NPC1: variants seen among roughly 807,000 people sequenced by gnomAD.
The protein encoded by NPC1 is Niemann-Pick C1 protein.
A neutral mutation model predicts 140.4 loss-of-function variants in NPC1; 85 were observed. The ratio of observed to expected loss-of-function variants is 0.61; its 90% confidence interval spans 0.51 to 0.72. The LOEUF is 0.72. Among genes scored for constraint, NPC1 ranks in the 30% least tolerant of loss-of-function variants. The pLI is 0.00. For missense variants in NPC1, 1,504 were observed against 1,623.8 expected (o/e 0.93, Z 1.27); for synonymous variants, 656 against 624.8 (o/e 1.05, Z -0.74).
At chr18:23,574,676 T>C (rs954993092) in intron 1 of NPC1, among the ~76,000 whole-genome samples, 3 of 152,190 alleles carry the variant, frequency 2.0e-5, no homozygotes, top group Non-Finnish European at 4.4e-5. Flanking sequence ...TTTCTCTGAA[T>C]TCATTTTTCA....
intron 4 of NPC1, among the ~76,000 whole-genome samples, chr18:23,566,294 G>T (rs1299407585): frequency 6.6e-6 from 1 of 152,056 alleles, no homozygotes; most frequent in South Asian, 2.1e-4. Context: ...CTACCCAGGG[G>T]GACTACTTGA....
chr18:23,543,642 G>T, intron 13 of NPC1, 73 bp from the exon 14 acceptor site: 1 of 862,720 alleles, frequency 1.2e-6, no homozygotes, highest in Non-Finnish European at 1.9e-6. Flanking sequence ...GCTGCCTTGT[G>T]TTAACTCAAG....
chr18:23,536,564 G>C (rs1265354186), intron 21 of NPC1, 109 bp downstream of exon 21: 2 of 910,360 alleles, frequency 2.2e-6, no homozygotes, highest in Non-Finnish European at 3.5e-6. Flanking sequence ...ATGGAGCAGG[G>C]GCCAGAACCC....
At chr18:23,543,382 G>T (rs1598952410) in intron 14 of NPC1, 73 bp downstream of exon 14, 22 of 799,542 alleles carry the variant, frequency 2.8e-5, no homozygotes, top group Non-Finnish European at 4.2e-5. Context: ...AAAGGGACAT[G>T]TTCAGGTAGC....
chr18:23,532,414 C>G lies in NPC1; in HGVS notation c.3755-130G>C, dbSNP rs895410400. 9 of 961,552 alleles carry G rather than the reference C, an allele frequency of 9.4e-6. No homozygotes were observed. The Admixed American group carries it at 1.6e-4, about 17-fold the overall frequency. 59.6% of individuals were successfully genotyped at this position (961,552 alleles called of 1,614,324 possible). A position where few individuals can be genotyped will look rare whatever the true frequency, so the allele number is the denominator to read the frequency against. On this transcript the variant is annotated intron_variant, in intron 24 of 24. Transcript: ENST00000269228. ...GAGAATTGCTTGAGACCAGCCTGGA[C>G]AACAGAGTGAGACCACATCTCTCTC... is the stretch of plus-strand genomic sequence containing the variant.
chr18:23,527,657 C>A, downstream of NPC1: 6 of 136,660 alleles, frequency 4.4e-5, no homozygotes, highest in East Asian at 3.3e-4. Flanking sequence ...GCTGTCAGGT[C>A]TTTAAAGTAG....
intron 8 of NPC1, among the ~76,000 whole-genome samples, chr18:23,555,543 T>A (rs1044112403): frequency 6.6e-6 from 1 of 152,242 alleles, no homozygotes; most frequent in Admixed American, 6.5e-5. Context: ...CTTTTCAAGA[T>A]TGCAGACTTT....
At chr18:23,516,958 T>C (rs2058024990) in intron 3 of NPC1, among the ~76,000 whole-genome samples, 1 of 151,966 alleles carries the variant, frequency 6.6e-6, no homozygotes, top group South Asian at 2.1e-4. Context: ...ACTCCTGACC[T>C]CAAGTGATCC....
At chr18:23,572,782 G>A (rs1567980683) in intron 2 of NPC1, among the ~76,000 whole-genome samples, 1 of 152,188 alleles carries the variant, frequency 6.6e-6, no homozygotes, top group Non-Finnish European at 1.5e-5. Flanking sequence ...ACAGTGAGCC[G>A]TGATTGTGCC....
At chr18:23,580,283 T>G (rs2059342097) in intron 1 of NPC1, among the ~76,000 whole-genome samples, 1 of 152,066 alleles carries the variant, frequency 6.6e-6, no homozygotes, top group South Asian at 2.1e-4. Flanking sequence ...CCATCCCCCT[T>G]GTCCTCCTGC....
At chr18:23,585,056 T>A (rs1340827311) in intron 1 of NPC1, among the ~76,000 whole-genome samples, 1 of 151,914 alleles carries the variant, frequency 6.6e-6, no homozygotes, top group Admixed American at 6.6e-5. Context: ...CTAAAATAAA[T>A]AAATTTTAAA....
intron 1 of NPC1, among the ~76,000 whole-genome samples, chr18:23,577,437 C>G (rs1232828117): frequency 2.4e-5 from 3 of 127,126 alleles, no homozygotes; most frequent in African/African-American, 5.4e-5. Context: ...CAGCTAGATA[C>G]AGAGTGTTGA....
At chr18:23,535,420 C>T in intron 22 of NPC1, 49 bp downstream of exon 22, 1 of 1,340,958 alleles carries the variant, frequency 7.5e-7, no homozygotes, top group Non-Finnish European at 1.1e-6. Context: ...GCCAATTCCC[C>T]CAAGTGAAAC....
intron 4 of NPC1, among the ~76,000 whole-genome samples, chr18:23,566,619 A>T (rs890372406): frequency 3.9e-5 from 6 of 151,932 alleles, no homozygotes; most frequent in African/African-American, 1.5e-4. Context: ...CACACTCTAT[A>T]GATTCAGTTG....
chr18:23,565,424 T>C (rs2059109928), intron 4 of NPC1, among the ~76,000 whole-genome samples: 1 of 152,158 alleles, frequency 6.6e-6, no homozygotes, highest in Non-Finnish European at 1.5e-5. Flanking sequence ...TGGCACAATT[T>C]CAGCTCCTGC....
At chr18:23,569,071 C>T (rs1378936796) in intron 3 of NPC1, 73 bp from the exon 4 acceptor site, 4 of 1,043,106 alleles carry the variant, frequency 3.8e-6, no homozygotes, top group Non-Finnish European at 5.9e-6. Context: ...TTTAAATAGA[C>T]AAAGAATATT....
In NPC1 at chr18:23,516,241, T is replaced by A. The variant is rs2058001936; in HGVS notation, c.432-9599A>T. ...CCAAAGACGAAGTCTGTGTTTATCC[T>A]TGTTGGTTTTACACAGGGAATGATG... On this transcript the variant is annotated intron_variant, in intron 3 of 3. Coordinates refer to the NPC1 transcript ENST00000591107. 2.0e-6 allele frequency: 3 copies of A among 1,501,436 alleles called. No individual in the cohort carries two copies. The East Asian group carries it at 6.8e-5, about 34-fold the overall frequency. The allele number at this position is 1,501,436 out of a possible 1,614,324, so 93.0% of individuals were successfully genotyped here.
intron 22 of NPC1, 134 bp downstream of exon 22, chr18:23,535,335 C>G: frequency 1.4e-6 from 1 of 737,152 alleles, no homozygotes; most frequent in East Asian, 2.7e-5. Flanking sequence ...CATCCTGCCT[C>G]TCCATGTGTG....
intron 11 of NPC1, among the ~76,000 whole-genome samples, chr18:23,545,522 G>A (rs907686911): frequency 1.3e-5 from 2 of 152,218 alleles, no homozygotes; most frequent in South Asian, 4.1e-4. Context: ...GGGATTACAG[G>A]CGTGAGCCAC....
Sources: gnomAD v4.1 joint callset for allele counts (sites outside exome capture counted in the v4.1 genomes callset) on GRCh38, gnomAD v4.1.1 for gene constraint, MANE v1.5 for transcripts, NCBI Gene and HGNC (gene_info 2026-07-23, HGNC 2026-07-21) for gene names.